AMOTL1: variants seen among roughly 807,000 people sequenced by gnomAD.
The protein encoded by AMOTL1 is angiomotin-like protein 1.
In AMOTL1, 45 loss-of-function variants were observed where a neutral mutation model predicts 102.9. The ratio of observed to expected loss-of-function variants is 0.44; its 90% CI spans 0.34 to 0.56. The LOEUF (loss-of-function observed/expected upper bound fraction) is 0.56. Among genes scored for constraint, AMOTL1 ranks in the 20% least tolerant of loss-of-function variants. AMOTL1 has a pLI of 0.01. For missense variants in AMOTL1, 1,114 were observed against 1,225.6 expected, an observed-to-expected ratio of 0.91 and a Z score of 1.36; for synonymous variants, 481 against 484.7, an observed-to-expected ratio of 0.99 and a Z score of 0.10.
At chr11:94,843,842 G>T (rs905226267) in intron 6 of AMOTL1, among the ~76,000 whole-genome samples, 1 of 152,208 alleles carries the variant, frequency 6.6e-6, no homozygotes, top group Non-Finnish European at 1.5e-5. Context: ...TAGCATGAAA[G>T]TTGTCTATTT....
Position 94,869,393 on chromosome 11 carries a change from G to T in AMOTL1, c.2684G>T (p.Ser895Ile). 2 of 1,605,582 alleles carry T rather than the reference G, an allele frequency of 1.2e-6. No individual in the cohort carries two copies. Among genetic ancestry groups the T allele is most frequent in the East Asian group, 2.3e-5 (1 of 44,352 alleles). The change falls in exon 12 of 13, where the codon AGC becomes ATC. Residue 895 changes from serine (S) to isoleucine (I), a missense_variant. Coordinates refer to ENST00000433060, the MANE Select transcript of AMOTL1 (RefSeq NM_130847.3). ...TGGCCCAGCATGGCCTCCCTTCCCAGCCGCGGCCGGCTGAGCACGACCCCT... is the reference window on the plus strand; with the variant it reads ...TGGCCCAGCATGGCCTCCCTTCCCATCCGCGGCCGGCTGAGCACGACCCCT... ...LFWPSMASLP[S>I]RGRLSTTPAH... is the part of the protein sequence containing the mutation.
intron 1 of AMOTL1, among the ~76,000 whole-genome samples, chr11:94,793,496 G>C (rs1184581256): frequency 1.3e-5 from 2 of 152,194 alleles, no homozygotes; most frequent in Non-Finnish European, 2.9e-5. Context: ...GATTTTAAAA[G>C]TTTCTTGGGT....
At chr11:94,752,861 A>G (rs1453124619) in intron 3 of AMOTL1, among the ~76,000 whole-genome samples, 2 of 152,166 alleles carry the variant, frequency 1.3e-5, no homozygotes, top group African/African-American at 4.8e-5. Context: ...GGGGTACAAT[A>G]GTCTACTGCT....
chr11:94,768,320 C>T (rs1950883168), upstream of AMOTL1: 1 of 1,374,814 alleles, frequency 7.3e-7, no homozygotes. Flanking sequence ...CTCCCCGGCC[C>T]GCGCGCGGGG....
Position 94,854,043 on chromosome 11 carries a change from T to C in AMOTL1, c.1905T>C (p.Thr635=). ...KREQMERRLR[T]WLERELDALR... is the part of the protein sequence containing the mutation. ...AACAGATGGAGCGGAGACTGCGGAC[T>C]TGGCTGGAGAGAGAGCTGGATGCAC... The change falls in exon 8 of 13, where the codon ACT becomes ACC. Residue 635 remains threonine (T), a synonymous_variant. Transcript: ENST00000433060. The C allele has an allele frequency of 6.4e-7, 1 of 1,559,006 alleles. No individual in the cohort carries two copies. Among genetic ancestry groups the C allele is most frequent in the East Asian group, 2.4e-5 (1 of 41,736 alleles).
intron 1 of AMOTL1, among the ~76,000 whole-genome samples, chr11:94,782,414 A>G (rs1951126927): frequency 6.6e-6 from 1 of 152,212 alleles, no homozygotes; most frequent in Admixed American, 6.5e-5. Context: ...TATATTAACA[A>G]ATGGGATTTT....
chr11:94,824,371 A>G (rs1565369115), intron 4 of AMOTL1, among the ~76,000 whole-genome samples: 1 of 152,158 alleles, frequency 6.6e-6, no homozygotes, highest in Non-Finnish European at 1.5e-5. Context: ...ATTTTACTTA[A>G]AGTTGCAGTT....
At chr11:94,816,363 T>A (rs968725685) in intron 3 of AMOTL1, among the ~76,000 whole-genome samples, 1 of 152,176 alleles carries the variant, frequency 6.6e-6, no homozygotes, top group African/African-American at 2.4e-5. Context: ...GTTCTGTGAA[T>A]CTAAAAATTT....
chr11:94,727,031 G>A (rs1037384459), intron 1 of AMOTL1, among the ~76,000 whole-genome samples: 5 of 152,124 alleles, frequency 3.3e-5, no homozygotes, highest in Non-Finnish European at 5.9e-5. Context: ...GGATGTGAGA[G>A]CCTAACCTCA....
chr11:94,812,620 T>TTTGTA, intron 3 of AMOTL1, among the ~76,000 whole-genome samples: 1 of 151,954 alleles, frequency 6.6e-6, no homozygotes, highest in South Asian at 2.1e-4. Flanking sequence ...AGTTTTTTGT[T>TTTGTA]TTGTTTTGTT....
chr11:94,869,261 C>T lies in AMOTL1; in HGVS notation c.2552C>T (p.Thr851Ile). Residue 851 changes from threonine (T) to isoleucine (I), a missense_variant, in exon 12 of 13, where the codon ACC becomes ATC. Physicochemically the swap from Thr to Ile is moderately conservative, Grantham distance 89. Coordinates refer to ENST00000433060, the MANE Select transcript of AMOTL1 (RefSeq NM_130847.3). Reference sequence around the variant, plus strand: ...GCCCCACTGCTGCCACCCCCACCCACCTCAGCACTGTCCTCCATAGCCTCC... The same window carrying T: ...GCCCCACTGCTGCCACCCCCACCCATCTCAGCACTGTCCTCCATAGCCTCC... ...ASAPLLPPPP[T>I]SALSSIASTT... The T allele has an allele frequency of 6.2e-7, 1 of 1,613,468 alleles. No individual in the cohort carries two copies. The highest frequency in any genetic ancestry group is 1.3e-5 in the African/African-American group (1 of 75,046).
At chr11:94,738,823 T>C (rs1275412165) in intron 2 of AMOTL1, among the ~76,000 whole-genome samples, 1 of 152,088 alleles carries the variant, frequency 6.6e-6, no homozygotes, top group Non-Finnish European at 1.5e-5. Flanking sequence ...AAGGACACAT[T>C]GGATTAAAAT....
chr11:94,803,883 C>G (rs1005023346), intron 3 of AMOTL1, among the ~76,000 whole-genome samples: 3 of 152,202 alleles, frequency 2.0e-5, no homozygotes, highest in Non-Finnish European at 2.9e-5. Flanking sequence ...CACCCACTAA[C>G]ATTTTTCCTG....
intron 3 of AMOTL1, among the ~76,000 whole-genome samples, chr11:94,815,612 T>C (rs1174592043): frequency 2.6e-5 from 4 of 152,114 alleles, no homozygotes; most frequent in Admixed American, 2.6e-4. Flanking sequence ...AAAATGTTTT[T>C]CTATAAAAGA....
At chr11:94,831,358 C>T in intron 5 of AMOTL1, 94 bp from the exon 6 acceptor site, 1 of 1,020,740 alleles carries the variant, frequency 9.8e-7, no homozygotes, top group Non-Finnish European at 1.5e-6. Context: ...AGCATCTCTT[C>T]CTCCCCAGCT....
chr11:94,835,803 C>T (rs1172879450), intron 6 of AMOTL1, among the ~76,000 whole-genome samples: 2 of 152,184 alleles, frequency 1.3e-5, no homozygotes, highest in Non-Finnish European at 2.9e-5. Flanking sequence ...TCTCTAAAAA[C>T]AGAAGATTTC....
At chr11:94,766,455 G>C (rs374486118), upstream of AMOTL1, among the ~76,000 whole-genome samples, 5 of 152,332 alleles carry the variant, frequency 3.3e-5, no homozygotes, top group South Asian at 1.0e-3. Flanking sequence ...CTGCAACTCA[G>C]CTCATGCCTG....
intron 4 of AMOTL1, among the ~76,000 whole-genome samples, chr11:94,827,915 C>T (rs931400047): frequency 6.6e-6 from 1 of 152,192 alleles, no homozygotes; most frequent in African/African-American, 2.4e-5. Flanking sequence ...TGCCCTGCCC[C>T]TCCTTTGGCG....
At chr11:94,810,793 CA>C (rs36132484) in intron 3 of AMOTL1, among the ~76,000 whole-genome samples, 17 of 132,376 alleles carry the variant, frequency 1.3e-4, no homozygotes, top group East Asian at 2.2e-4. Context: ...AACTTTTTCT[CA>C]AAAAAAAAAG....
Sources: gnomAD v4.1 joint callset for allele counts (sites outside exome capture counted in the v4.1 genomes callset) on GRCh38, gnomAD v4.1.1 for gene constraint, MANE v1.5 for transcripts, NCBI Gene and HGNC (gene_info 2026-07-23, HGNC 2026-07-21) for gene names.